Variants in MVD observed in about 807,000 individuals in gnomAD.
MVD encodes the protein mevalonate diphosphate decarboxylase.
In MVD, 52 loss-of-function variants were observed where a neutral mutation model predicts 42.4. The observed-to-expected ratio is 1.23, with a 90% CI of 0.98 to 1.55. The LOEUF is 1.55. Ranked by LOEUF, MVD falls within the 40% of genes most tolerant of loss-of-function variation. The pLI, the probability that MVD is intolerant of heterozygous loss-of-function variation, is 0.00. For synonymous variants in MVD, 287 were observed against 243.2 expected, an observed-to-expected ratio of 1.18 and a Z score of -1.68; for missense variants, 663 against 572.1, an observed-to-expected ratio of 1.16 and a Z score of -1.62.
intron 7 of MVD, 108 bp from the exon 8 acceptor site, chr16:88,654,915 G>T: frequency 9.2e-7 from 1 of 1,092,632 alleles, no homozygotes. Flanking sequence ...CTCAGTCTAG[G>T]CCCTCAGGGC....
chr16:88,662,648 C>A, intron 1 of MVD: 1 of 1,253,480 alleles, frequency 8.0e-7, no homozygotes, highest in Non-Finnish European at 1.0e-6. Context: ...CTCTGGCCAT[C>A]CTCCCGCCTC....
Position 88,655,339 on chromosome 16 carries a change from C to T in MVD, c.757G>A (p.Ala253Thr), listed in dbSNP as rs202128233. 3.6e-5 allele frequency: 57 copies of T among 1,602,182 alleles called. No individual in the cohort carries two copies. Among genetic ancestry groups the T allele is most frequent in the East Asian group, 4.5e-5 (2 of 44,290 alleles). The stretch of plus-strand genomic sequence containing the variant: ...TTGCTGTCCTTCATGGTCAGCTGGG[C>T]GAAGCTGGGGAAGTCTCGCTCCCGG... Reference protein sequence around the residue: ...CIRERDFPSFAQLTMKDSNQF... With the variant: ...CIRERDFPSFTQLTMKDSNQF... The change falls in exon 7 of 10, where the codon GCC becomes ACC. Residue 253 changes from alanine (A) to threonine (T), a missense_variant. Transcript: ENST00000301012.
At chr16:88,661,099 G>C (rs1908264122) in intron 1 of MVD, among the ~76,000 whole-genome samples, 1 of 145,044 alleles carries the variant, frequency 6.9e-6, no homozygotes, top group South Asian at 2.2e-4. Flanking sequence ...TTTTACAAAA[G>C]TGCAAAAGCA....
chr16:88,659,591 A>T (rs929411657), intron 1 of MVD, among the ~76,000 whole-genome samples: 1 of 151,978 alleles, frequency 6.6e-6, no homozygotes, highest in Non-Finnish European at 1.5e-5. Context: ...CTTGCCCTAG[A>T]CCTAGCCCTG....
Position 88,657,730 on chromosome 16 carries a change from C to A in MVD, c.257-148G>T, listed in dbSNP as rs1213703157. The A allele has an allele frequency of 1.4e-5, 18 of 1,324,442 alleles. No homozygotes were observed. In the East Asian group the frequency reaches 4.0e-4, roughly 29 times the overall value. The allele number at this position is 1,324,442 out of a possible 1,614,324, so 82.0% of individuals were successfully genotyped here. ...GTTTCTTACCCGGGAAAACCCCAGACTGACCCAAGCCCAGCTGGTCATTGA... is the reference window on the plus strand; with the variant it reads ...GTTTCTTACCCGGGAAAACCCCAGAATGACCCAAGCCCAGCTGGTCATTGA... On this transcript the variant is annotated intron_variant, in intron 3 of 9. Transcript: ENST00000301012.
chr16:88,657,321 G>A (rs971599690), intron 4 of MVD, 115 bp downstream of exon 4: 157 of 1,404,498 alleles, frequency 1.1e-4, no homozygotes, highest in Middle Eastern at 1.8e-4. Context: ...GAGGCCTGGG[G>A]TGAGGGGATG....
In MVD at chr16:88,662,995, G is replaced by C. The variant is rs748028233; in HGVS notation, c.70+16C>G. On this transcript the variant is annotated intron_variant, in intron 1 of 9. Transcript: ENST00000301012. Reference sequence around the variant, plus strand: ...CTCCCGGCCATCCCCGTCCCAGGCCGGCCCGCGGCACTCACAGTACTTGAT... The same window carrying C: ...CTCCCGGCCATCCCCGTCCCAGGCCCGCCCGCGGCACTCACAGTACTTGAT... The C allele has an allele frequency of 1.9e-5, 30 of 1,592,234 alleles. No individual in the cohort carries two copies. Among genetic ancestry groups the C allele is most frequent in the Admixed American group, 5.2e-5 (3 of 57,412 alleles).
At chr16:88,658,940 A>C in intron 1 of MVD, 3 of 515,710 alleles carry the variant, frequency 5.8e-6, no homozygotes, top group Non-Finnish European at 1.1e-5. Flanking sequence ...GAGGCCAGCC[A>C]ACCTCCGTCC....
chr16:88,652,274 A>T lies in MVD; in HGVS notation c.*251T>A, dbSNP rs566255213. 1.7e-6 allele frequency: 1 copy of T among 591,226 alleles called. No homozygotes were observed. Among genetic ancestry groups the T allele is most frequent in the Non-Finnish European group, 3.0e-6 (1 of 329,368 alleles). The allele number at this position is 591,226 out of a possible 1,614,324, so 36.6% of individuals were successfully genotyped here. On this transcript the variant is annotated 3_prime_UTR_variant, in exon 10 of 10. Coordinates refer to ENST00000301012, the MANE Select transcript of MVD (RefSeq NM_002461.3). ...CTGCACCGAGGCTCTGCCAGTTCTC[A>T]TACCCCCTCCCCATCCCATCTTGGC...
intron 4 of MVD, 77 bp from the exon 5 acceptor site, chr16:88,656,381 C>T (rs957516016): frequency 1.4e-5 from 21 of 1,467,818 alleles, no homozygotes; most frequent in East Asian, 2.3e-5. Flanking sequence ...GCCCCAGGAA[C>T]GTCCCACACC....
intron 6 of MVD, 58 bp from the exon 7 acceptor site, chr16:88,655,475 CGAGGAGAGACTCCGGGGTTG>C: frequency 6.5e-7 from 1 of 1,530,982 alleles, no homozygotes; most frequent in East Asian, 2.4e-5. Context: ...GCAGAGGGTT[CGAGGAGAGACTCCGGGGTTG>C]GAGGCCCGGC....
rs759418124 is a variant in MVD, at chr16:88,655,430, G to A, written c.679-13C>T. 2 of 1,558,588 alleles carry A rather than the reference G, an allele frequency of 1.3e-6. No homozygotes were observed. The highest frequency in any genetic ancestry group is 1.2e-5 in the South Asian group (1 of 85,522). On this transcript the variant is annotated splice_polypyrimidine_tract_variant and intron_variant, in intron 6 of 9. Transcript: ENST00000301012. ...ACTCGGCCCGGAACTGCAAGGCACA[G>A]GGTGTTTCCCATGGAGCCGCTGGGG...
intron 9 of MVD, among the ~76,000 whole-genome samples, chr16:88,652,889 C>A (rs1475283142): frequency 6.6e-6 from 1 of 152,140 alleles, no homozygotes; most frequent in Non-Finnish European, 1.5e-5. Flanking sequence ...AAGGTGGCGG[C>A]AATGGCTTGG....
At chr16:88,662,193 A>C (rs889503294) in intron 1 of MVD, 1 of 152,230 alleles carries the variant, frequency 6.6e-6, no homozygotes, top group Non-Finnish European at 1.5e-5. Context: ...AGAAAGAAAG[A>C]AAACGTTAGA....
chr16:88,654,626 G>A lies in MVD; in HGVS notation c.1013+66C>T, dbSNP rs1597377470. The A allele has an allele frequency of 1.7e-5, 25 of 1,495,408 alleles. No individual in the cohort carries two copies. The East Asian group carries it at 3.5e-4, about 21-fold the overall frequency. The allele number at this position is 1,495,408 out of a possible 1,614,324, so 92.6% of individuals were successfully genotyped here. On this transcript the variant is annotated intron_variant, in intron 8 of 9. Coordinates refer to ENST00000301012, the MANE Select transcript of MVD (RefSeq NM_002461.3). Reference sequence around the variant, plus strand: ...AGCGCCACAGCCTTCAGGTGCCTCCGTCTCTTCCGACCAGAGTTCCTGGCA... The same window carrying A: ...AGCGCCACAGCCTTCAGGTGCCTCCATCTCTTCCGACCAGAGTTCCTGGCA...
chr16:88,653,174 T>C, intron 9 of MVD, 126 bp downstream of exon 9: 1 of 725,352 alleles, frequency 1.4e-6, no homozygotes, highest in Non-Finnish European at 2.3e-6. Context: ...AAAGGCGTTC[T>C]GGCTTCCTGC....
chr16:88,656,345 T>C, intron 4 of MVD, 41 bp from the exon 5 acceptor site: 7 of 1,588,788 alleles, frequency 4.4e-6, no homozygotes, highest in Non-Finnish European at 6.0e-6. Context: ...CAGAGCTGCC[T>C]GCGCTGTGCT....
At chr16:88,657,610 C>T (rs1287912824) in intron 3 of MVD, 28 bp from the exon 4 acceptor site, 1 of 1,603,796 alleles carries the variant, frequency 6.2e-7, no homozygotes, top group East Asian at 2.2e-5. Context: ...CAGCGTGTGG[C>T]CCAGCCGTCA....
chr16:88,661,973 T>C (rs1459999094), intron 1 of MVD: 1 of 150,528 alleles, frequency 6.6e-6, no homozygotes, highest in Non-Finnish European at 1.5e-5. Context: ...CAAACATACA[T>C]ATATACATAG....
Sources: gnomAD v4.1 joint callset for allele counts (sites outside exome capture counted in the v4.1 genomes callset) on GRCh38, gnomAD v4.1.1 for gene constraint, MANE v1.5 for transcripts, NCBI Gene and HGNC (gene_info 2026-07-23, HGNC 2026-07-21) for gene names.